SPEN: variants seen among roughly 807,000 people sequenced by gnomAD.
SPEN encodes spen family transcriptional repressor.
Under a neutral mutation model 269.9 loss-of-function variants are expected in SPEN, and 18 were observed. The ratio of observed to expected loss-of-function variants is 0.07; its 90% CI spans 0.05 to 0.10. The LOEUF (loss-of-function observed/expected upper bound fraction) is 0.10. Ranked by LOEUF, SPEN falls within the 10% of genes least tolerant of loss-of-function variation. The pLI is 1.00. For synonymous variants in SPEN, 1,726 were observed against 1,765.7 expected, an observed-to-expected ratio of 0.98 and a Z score of 0.56; for missense variants, 3,822 against 4,631.2, an observed-to-expected ratio of 0.83 and a Z score of 5.07.
chr1:15,935,495 C>T lies in SPEN; in HGVS notation c.9255C>T (p.Thr3085=), dbSNP rs1012479308. The T allele has an allele frequency of 6.2e-7, 1 of 1,614,120 alleles. No individual in the cohort carries two copies. The highest frequency in any genetic ancestry group is 8.5e-7 in the Non-Finnish European group (1 of 1,180,004). Residue 3085 remains threonine, a synonymous_variant, in exon 11 of 15, where the codon ACC becomes ACT. Coordinates refer to ENST00000375759, the MANE Select transcript of SPEN (RefSeq NM_015001.3). The surrounding 1 kb of genome is among the most constrained non-coding windows in gnomAD (Gnocchi z 7.7). ...QSVIMPPHSI[T]QTVSLSHLSQ... is the part of the protein sequence containing the mutation. ...TCATCATGCCACCCCACAGCATCAC[C>T]CAGACTGTGTCCCTGAGCCACCTCT...
chr1:15,917,031 G>A (rs2071073292), intron 6 of SPEN, among the ~76,000 whole-genome samples: 1 of 152,162 alleles, frequency 6.6e-6, no homozygotes, highest in East Asian at 1.9e-4. Flanking sequence ...AGGCGGCTGA[G>A]GCTGGAGAAC....
Position 15,873,014 on chromosome 1 carries a change from A to G in SPEN, c.282A>G (p.Thr94=). 1 of 1,614,190 alleles carries G rather than the reference A, an allele frequency of 6.2e-7. No individual in the cohort carries two copies. The highest frequency in any genetic ancestry group is 8.5e-7 in the Non-Finnish European group (1 of 1,180,044). ...GTGCTGCTCGGGGATTGGATGATAC[A>G]GTTTCCATAGCATCTCGTAGTAGAG... ...IPSAARGLDD[T]VSIASRSREV... The change falls in exon 2 of 15, where the codon ACA becomes ACG. Residue 94 remains threonine, a synonymous_variant. Coordinates refer to ENST00000375759, the MANE Select transcript of SPEN (RefSeq NM_015001.3).
rs1056012727 is a variant in SPEN at position 15,939,447 on chromosome 1, C to T, written c.*20C>T. 6.4e-7 allele frequency: 1 copy of T among 1,559,570 alleles called. No homozygotes were observed. The highest frequency in any genetic ancestry group is 1.4e-5 in the African/African-American group (1 of 72,388). ...GTGTGAGCCACTGAGTGGTTATCAC[C>T]TCAGTGAATCTTCCCAGGGCTCTGC... On this transcript the variant is annotated 3_prime_UTR_variant, in exon 15 of 15. Coordinates refer to ENST00000375759, the MANE Select transcript of SPEN (RefSeq NM_015001.3). This position sits in a 1 kb window ranked among gnomAD's most constrained non-coding sequence, Gnocchi z 4.1.
At chr1:15,849,179 A>T (rs920080910) in intron 1 of SPEN, among the ~76,000 whole-genome samples, 1 of 152,226 alleles carries the variant, frequency 6.6e-6, no homozygotes. Context: ...GAGGGACCAT[A>T]GCAAATCTGT....
chr1:15,899,174 T>C (rs77898610), intron 3 of SPEN, among the ~76,000 whole-genome samples: 1 of 152,138 alleles, frequency 6.6e-6, no homozygotes. Context: ...TGTTATTTTG[T>C]TTGCTTGTTT....
intron 3 of SPEN, among the ~76,000 whole-genome samples, chr1:15,905,914 G>A (rs542764035): frequency 2.0e-5 from 3 of 152,092 alleles, no homozygotes; most frequent in Non-Finnish European, 4.4e-5. Flanking sequence ...GCTTTTGCTC[G>A]TGATTGTTTA....
intron 1 of SPEN, among the ~76,000 whole-genome samples, chr1:15,853,333 C>T (rs941046617): frequency 1.5e-4 from 22 of 150,914 alleles, no homozygotes; most frequent in African/African-American, 4.4e-4. Flanking sequence ...ACTACAGGCC[C>T]GTGCCACCAT....
At chr1:15,861,605 C>T (rs2070449746) in intron 1 of SPEN, among the ~76,000 whole-genome samples, 1 of 151,996 alleles carries the variant, frequency 6.6e-6, no homozygotes, top group Admixed American at 6.6e-5. Flanking sequence ...TAGTAAGCAC[C>T]TTTTTAGAGT....
Position 15,933,069 on chromosome 1 carries a change from G to C in SPEN, c.6829G>C (p.Ala2277Pro). The C allele has an allele frequency of 6.2e-7, 1 of 1,614,124 alleles. No individual in the cohort carries two copies. Among genetic ancestry groups the C allele is most frequent in the Non-Finnish European group, 8.5e-7 (1 of 1,179,952 alleles). The change falls in exon 11 of 15, where the codon GCT (alanine) becomes CCT (proline). Residue 2277 changes from alanine to proline, a missense_variant. This residue lies in a region of SPEN where 727 missense variants were observed against 737.9 expected (regional missense o/e 0.99). Transcript: ENST00000375759. This position sits in a 1 kb window ranked among gnomAD's most constrained non-coding sequence, Gnocchi z 5.7. ...TGTATCTGGCATCCTGGAAACTGAG[G>C]CTGCTACAGAATCTTCTAGGCCTCC... ...EAVSGILETE[A>P]ATESSRPPVN...
Position 15,936,191 on chromosome 1 carries a change from G to A in SPEN, c.9951G>A (p.Pro3317=), listed in dbSNP as rs369418498. 1.6e-5 allele frequency: 26 copies of A among 1,591,778 alleles called. No homozygotes were observed. The highest frequency in any genetic ancestry group is 3.4e-5 in the Admixed American group (2 of 58,928). Residue 3317 remains proline (P), a synonymous_variant, in exon 11 of 15, where the codon CCG becomes CCA. Coordinates refer to ENST00000375759, the MANE Select transcript of SPEN (RefSeq NM_015001.3). Reference sequence around the variant, plus strand: ...GCGACATCCGCACCTACCACCCCCCGGCCCAGCTCACACACACTCAGTTTC... The same window carrying A: ...GCGACATCCGCACCTACCACCCCCCAGCCCAGCTCACACACACTCAGTTTC... ...RYGDIRTYHP[P]AQLTHTQFPA...
intron 1 of SPEN, among the ~76,000 whole-genome samples, chr1:15,857,132 T>C (rs1211508316): frequency 6.6e-6 from 1 of 151,576 alleles, no homozygotes; most frequent in Non-Finnish European, 1.5e-5. Context: ...GTGTGATCAC[T>C]GCTTACTGTG....
In SPEN at chr1:15,872,938, T is replaced by C; in HGVS notation, c.206T>C (p.Met69Thr). 6.2e-7 allele frequency: 1 copy of C among 1,608,314 alleles called. No individual in the cohort carries two copies. Residue 69 changes from methionine (M) to threonine (T), a missense_variant, in exon 2 of 15, where the codon ATG becomes ACG. Met to Thr is a moderately conservative substitution (Grantham distance 81, BLOSUM62 -1). Coordinates refer to ENST00000375759, the MANE Select transcript of SPEN (RefSeq NM_015001.3). ...AAAGCTCACAACTCGGTCAACAAAA[T>C]GGGTGACAGAGACCTACGCACGGAT... ...AQKAHNSVNK[M>T]GDRDLRTDYN...
At chr1:15,858,137 A>G (rs2070405499) in intron 1 of SPEN, among the ~76,000 whole-genome samples, 1 of 151,916 alleles carries the variant, frequency 6.6e-6, no homozygotes, top group South Asian at 2.1e-4. Flanking sequence ...AAAAAGAAAG[A>G]GAAACAAGGT....
At chr1:15,909,538 A>T in intron 4 of SPEN, 57 bp downstream of exon 4, 1 of 1,473,680 alleles carries the variant, frequency 6.8e-7, no homozygotes, top group Admixed American at 2.1e-5. Flanking sequence ...ATGAGGTATG[A>T]TACTGCATTA....
rs1570033672 is a variant in SPEN, at chr1:15,906,859, C to T, written c.882-2462C>T. On this transcript the variant is annotated intron_variant, in intron 3 of 14. Coordinates refer to ENST00000375759, the MANE Select transcript of SPEN (RefSeq NM_015001.3). ...TGGTATGACCATGGCTCACTGCAAC[C>T]TCAAACTCCTAGGCTCGTGATCCTC... 2.0e-5 allele frequency among the ~76,000 whole-genome samples: 3 copies of T among 149,366 alleles called. No homozygotes were observed. In the East Asian group the frequency reaches 5.9e-4, roughly 29 times the overall value.
In SPEN at chr1:15,932,462, A is replaced by G; in HGVS notation, c.6222A>G (p.Lys2074=). 1 of 1,612,016 alleles carries G rather than the reference A, an allele frequency of 6.2e-7. No homozygotes were observed. ...AACCGGCCCCTGAAAAAAACTCCAA[A>G]TCAAAGAGAGGAAGATCTCGAAACT... ...EKKPAPEKNS[K]SKRGRSRNSR... Residue 2074 remains lysine (K), a synonymous_variant, in exon 11 of 15, where the codon AAA becomes AAG. Coordinates refer to ENST00000375759, the MANE Select transcript of SPEN (RefSeq NM_015001.3). This position sits in a 1 kb window ranked among gnomAD's most constrained non-coding sequence, Gnocchi z 4.2.
intron 3 of SPEN, among the ~76,000 whole-genome samples, chr1:15,884,543 C>A (rs1199084458): frequency 6.6e-6 from 1 of 152,052 alleles, no homozygotes; most frequent in Non-Finnish European, 1.5e-5. Flanking sequence ...TTCTCTCTCT[C>A]TTTTTTTAAA....
chr1:15,917,217 C>T (rs2071074981), intron 6 of SPEN, among the ~76,000 whole-genome samples: 1 of 152,160 alleles, frequency 6.6e-6, no homozygotes, highest in African/African-American at 2.4e-5. Context: ...ATATGGATGT[C>T]GTCTGCTAGC....
chr1:15,879,161 T>TCTACTAAAAATACA (rs2070663204), intron 3 of SPEN, among the ~76,000 whole-genome samples: 1 of 151,836 alleles, frequency 6.6e-6, no homozygotes, highest in Non-Finnish European at 1.5e-5. Context: ...TGGTCAATGG[T>TCTACTAAAAATACA]GAAACCCTGT....
Sources: allele counts gnomAD v4.1 joint callset (sites outside exome capture counted in the v4.1 genomes callset), GRCh38; gene constraint gnomAD v4.1.1; regional missense constraint gnomAD v4.1.1; non-coding constraint Gnocchi (gnomAD v3.1); transcripts MANE v1.5; gene names NCBI Gene and HGNC (gene_info 2026-07-23, HGNC 2026-07-21).